Variants in FAM184B observed in about 807,000 individuals in gnomAD.
FAM184B encodes the protein family with sequence similarity 184 member B.
In FAM184B, 111 loss-of-function variants were observed where a neutral mutation model predicts 135.9. That is an observed-to-expected ratio of 0.82 (90% CI 0.70 to 0.96). The LOEUF (loss-of-function observed/expected upper bound fraction) is 0.96, where lower values mean the gene tolerates loss of function less well. Among genes scored for constraint, FAM184B ranks in the 40% least tolerant of loss-of-function variants. FAM184B has a pLI of 0.00. For missense variants in FAM184B, 1,375 were observed against 1,323.9 expected, an observed-to-expected ratio of 1.04 and a Z score of -0.60; for synonymous variants, 552 against 524.8, an observed-to-expected ratio of 1.05 and a Z score of -0.71.
chr4:17,663,653 T>C (rs936165528), intron 8 of FAM184B, among the ~76,000 whole-genome samples: 3 of 148,210 alleles, frequency 2.0e-5, no homozygotes, highest in Non-Finnish European at 4.4e-5. Flanking sequence ...CAAACTGTAG[T>C]TTGTGACAGA....
chr4:17,751,587 C>T (rs904170390), intron 1 of FAM184B, among the ~76,000 whole-genome samples: 34 of 152,166 alleles, frequency 2.2e-4, no homozygotes, highest in Admixed American at 6.6e-4. Flanking sequence ...GTGTCTTCCA[C>T]GATTAGCATC....
intron 1 of FAM184B, among the ~76,000 whole-genome samples, chr4:17,762,860 T>C (rs1560195606): frequency 2.6e-5 from 4 of 152,296 alleles, no homozygotes; most frequent in Admixed American, 6.5e-5. Context: ...TTCTCATCCA[T>C]ATCCTACCAG....
chr4:17,713,823 C>A (rs1264307606), intron 1 of FAM184B, among the ~76,000 whole-genome samples: 1 of 152,166 alleles, frequency 6.6e-6, no homozygotes, highest in Non-Finnish European at 1.5e-5. Context: ...ACTGGGGTTA[C>A]CTGCTGGCCA....
intron 1 of FAM184B, among the ~76,000 whole-genome samples, chr4:17,737,675 G>A (rs150000037): frequency 4.6e-5 from 7 of 152,148 alleles, no homozygotes; most frequent in East Asian, 1.9e-4. Context: ...TTCCTCCCCC[G>A]AACCTCAAAG....
At chr4:17,741,942 A>T (rs1718044950) in intron 1 of FAM184B, among the ~76,000 whole-genome samples, 1 of 152,128 alleles carries the variant, frequency 6.6e-6, no homozygotes, top group East Asian at 1.9e-4. Flanking sequence ...AATAGAAGTT[A>T]CTAACAGTTA....
chr4:17,712,991 G>A (rs1717319608), intron 1 of FAM184B, among the ~76,000 whole-genome samples: 1 of 152,182 alleles, frequency 6.6e-6, no homozygotes, highest in African/African-American at 2.4e-5. Context: ...AGATGTTGAA[G>A]AAAGAGTGAA....
chr4:17,629,842 C>T lies in FAM184B; in HGVS notation c.*2690G>A, dbSNP rs905683185. On this transcript the variant is annotated 3_prime_UTR_variant, in exon 18 of 18. Transcript: ENST00000265018. The stretch of plus-strand genomic sequence containing the variant: ...TAGGGCACAGTAGGTTCATTTACTG[C>T]TGGTAAGGGTGTAAATTGTTAGAAA... The T allele has an allele frequency of 2.0e-5, 3 of 152,256 alleles. No homozygotes were observed. The highest frequency in any genetic ancestry group is 6.5e-5 in the Admixed American group (1 of 15,294). The allele number at this position is 152,256 out of a possible 1,614,324, so 9.4% of individuals were successfully genotyped here.
intron 1 of FAM184B, among the ~76,000 whole-genome samples, chr4:17,778,602 G>A (rs921367927): frequency 6.6e-6 from 1 of 152,246 alleles, no homozygotes; most frequent in African/African-American, 2.4e-5. Flanking sequence ...GCACATGCCT[G>A]AGCTTTGGAA....
chr4:17,667,559 C>T (rs1254860975), intron 7 of FAM184B, among the ~76,000 whole-genome samples: 1 of 152,210 alleles, frequency 6.6e-6, no homozygotes, highest in Non-Finnish European at 1.5e-5. Context: ...AGGACCTGTC[C>T]TGGGGCACTC....
rs7676383 is a variant in FAM184B, at chr4:17,720,658, G to C, written c.142-11014C>G. On this transcript the variant is annotated intron_variant, in intron 1 of 17. Transcript: ENST00000265018. ...ATCCCAGCACTTTGGGAGGCTGAGG[G>C]GGGCAGATCATGAGGTCAGGAGTTC... 8.4e-3 allele frequency among the ~76,000 whole-genome samples: 1,274 copies of C among 151,374 alleles called. 17 individuals are homozygous for C. Among genetic ancestry groups the C allele is most frequent in the African/African-American group, 0.028 (1,169 of 41,222 alleles).
intron 7 of FAM184B, among the ~76,000 whole-genome samples, chr4:17,666,475 T>TTTC (rs1430579347): frequency 1.5e-5 from 2 of 133,294 alleles, no homozygotes; most frequent in East Asian, 4.3e-4. Context: ...GGTTCTTTTT[T>TTTC]TTTTTTTTTT....
intron 1 of FAM184B, among the ~76,000 whole-genome samples, chr4:17,723,244 C>T (rs895847359): frequency 3.3e-5 from 5 of 152,260 alleles, no homozygotes; most frequent in African/African-American, 4.8e-5. Flanking sequence ...TGCCACTATT[C>T]GCAGCAGAGA....
In FAM184B at chr4:17,647,775, C is replaced by T; in HGVS notation, c.2208G>A (p.Glu736=). 6.4e-7 allele frequency: 1 copy of T among 1,550,476 alleles called. No homozygotes were observed. Among genetic ancestry groups the T allele is most frequent in the Non-Finnish European group, 8.7e-7 (1 of 1,146,884 alleles). The change falls in exon 12 of 18, where the codon GAG becomes GAA. Residue 736 remains glutamate (E), a synonymous_variant. Transcript: ENST00000265018. ...QALLLESLRQ[E]LSEQQAACSG... is the part of the protein sequence containing the mutation. ...AACAGGCAGCTTGCTGCTCCGACAGCTCCTGTCTGAGCGACTCTGGAAAAG... is the reference window on the plus strand; with the variant it reads ...AACAGGCAGCTTGCTGCTCCGACAGTTCCTGTCTGAGCGACTCTGGAAAAG...
At chr4:17,688,614 C>T in intron 6 of FAM184B, 83 bp from the exon 7 acceptor site, 3 of 1,041,144 alleles carry the variant, frequency 2.9e-6, no homozygotes, top group Non-Finnish European at 2.8e-6. Context: ...AATCAATTCT[C>T]CTGGGTCAGT....
intron 1 of FAM184B, among the ~76,000 whole-genome samples, chr4:17,724,111 T>TCACACACA (rs112763574): frequency 1.2e-4 from 18 of 150,318 alleles, no homozygotes; most frequent in African/African-American, 3.4e-4. Context: ...AAACAAAATC[T>TCACACACA]CACACACACA....
At chr4:17,736,918 G>A (rs1005337080) in intron 1 of FAM184B, among the ~76,000 whole-genome samples, 10 of 152,166 alleles carry the variant, frequency 6.6e-5, no homozygotes, top group Admixed American at 2.0e-4. Flanking sequence ...GCCGAGGTGG[G>A]CAGATTGGCT....
chr4:17,756,041 G>A (rs1560194110), intron 1 of FAM184B, among the ~76,000 whole-genome samples: 1 of 152,136 alleles, frequency 6.6e-6, no homozygotes, highest in Non-Finnish European at 1.5e-5. Context: ...TGCAAATCCT[G>A]CACATGTAGC....
chr4:17,759,263 T>G (rs1053632336), intron 1 of FAM184B, among the ~76,000 whole-genome samples: 3 of 152,168 alleles, frequency 2.0e-5, no homozygotes, highest in Non-Finnish European at 2.9e-5. Flanking sequence ...CTCATGATAG[T>G]GAGTGAGTTC....
intron 1 of FAM184B, among the ~76,000 whole-genome samples, chr4:17,738,093 G>A (rs1248443945): frequency 6.6e-6 from 1 of 152,068 alleles, no homozygotes. Flanking sequence ...TCTAAGACTG[G>A]GCTGATGATA....
Sources: allele counts gnomAD v4.1 joint callset (sites outside exome capture counted in the v4.1 genomes callset), GRCh38; gene constraint gnomAD v4.1.1; transcripts MANE v1.5; gene names NCBI Gene and HGNC (gene_info 2026-07-23, HGNC 2026-07-21).